RBMS3: variants seen among roughly 807,000 people sequenced by gnomAD.
RBMS3 encodes the protein RNA-binding motif, single-stranded-interacting protein 3.
Under a neutral mutation model 66.8 loss-of-function variants are expected in RBMS3, and 27 were observed. The observed-to-expected ratio is 0.40, with a 90% CI of 0.30 to 0.56. RBMS3 has a LOEUF of 0.56. RBMS3 is among the 20% of genes least tolerant of loss of function. RBMS3 has a pLI of 0.40. For missense variants in RBMS3, 513 were observed against 549.5 expected, an observed-to-expected ratio of 0.93 and a Z score of 0.66; for synonymous variants, 188 against 183.0, an observed-to-expected ratio of 1.03 and a Z score of -0.22.
intron 6 of RBMS3, among the ~76,000 whole-genome samples, chr3:29,819,713 C>A (rs988697243): frequency 1.3e-5 from 2 of 152,066 alleles, no homozygotes; most frequent in East Asian, 1.9e-4. Flanking sequence ...GCAAAAGATT[C>A]TCTGTGGTAC....
At chr3:29,781,836 G>A (rs1192393702) in intron 6 of RBMS3, among the ~76,000 whole-genome samples, 2 of 151,984 alleles carry the variant, frequency 1.3e-5, no homozygotes, top group African/African-American at 4.8e-5. Context: ...GGGCTGTGTG[G>A]GAGAGGGTTG....
At chr3:29,336,628 G>A (rs1016785125) in intron 1 of RBMS3, among the ~76,000 whole-genome samples, 1 of 152,014 alleles carries the variant, frequency 6.6e-6, no homozygotes, top group African/African-American at 2.4e-5. Flanking sequence ...CCATGTCTTA[G>A]GCATCATGAA....
chr3:29,968,198 C>T (rs984469672), intron 12 of RBMS3, among the ~76,000 whole-genome samples: 3 of 147,194 alleles, frequency 2.0e-5, no homozygotes, highest in African/African-American at 7.3e-5. Context: ...GCCCACCCGG[C>T]CTGCCCCCGT....
In RBMS3 at chr3:29,691,947, C is replaced by CTCTCTCTCTTTTTTTTTTTTTT. The variant is rs1218393454; in HGVS notation, c.400-47772_400-47771insCTCTCTCTTTTTTTTTTTTTTT. Among the ~76,000 whole-genome samples the CTCTCTCTCTTTTTTTTTTTTTT allele has an allele frequency of 5.3e-3, 279 of 53,102 alleles. 2 individuals are homozygous for CTCTCTCTCTTTTTTTTTTTTTT. Among genetic ancestry groups the CTCTCTCTCTTTTTTTTTTTTTT allele is most frequent in the Non-Finnish European group, 7.1e-3 (181 of 25,440 alleles). 34.8% of individuals were successfully genotyped at this position (53,102 alleles called of 152,430 possible). On this transcript the variant is annotated intron_variant, in intron 4 of 14. Transcript: ENST00000383767. ...GTGTGACCCTTCTCTCTCTCTCTCTCTATTTTTTTTTTTTTTTTTTGAGAT... is the reference window on the plus strand; with the variant it reads ...GTGTGACCCTTCTCTCTCTCTCTCTCTCTCTCTCTTTTTTTTTTTTTTTATTTTTTTTTTTTTTTTTTGAGAT...
At chr3:29,399,109 C>T (rs2039689619) in intron 1 of RBMS3, among the ~76,000 whole-genome samples, 1 of 152,078 alleles carries the variant, frequency 6.6e-6, no homozygotes, top group African/African-American at 2.4e-5. Flanking sequence ...CCTCATTTCC[C>T]TTTCTTGCCT....
intron 2 of RBMS3, among the ~76,000 whole-genome samples, chr3:29,472,194 ATTT>A (rs11326167): frequency 1.3e-3 from 180 of 139,932 alleles, no homozygotes; most frequent in African/African-American, 4.5e-3. Flanking sequence ...GCCTCTTCTA[ATTT>A]TTTTTTTTTT....
chr3:29,330,187 A>G (rs2035571038), intron 1 of RBMS3, among the ~76,000 whole-genome samples: 1 of 152,016 alleles, frequency 6.6e-6, no homozygotes, highest in African/African-American at 2.4e-5. Flanking sequence ...ACCCCTAAAT[A>G]CCTAAGTTTG....
intron 1 of RBMS3, among the ~76,000 whole-genome samples, chr3:29,389,339 T>TG (rs2125640135): frequency 1.3e-5 from 2 of 152,086 alleles, no homozygotes; most frequent in South Asian, 4.1e-4. Flanking sequence ...GAGGAAAAAA[T>TG]GGGGAAAAAG....
chr3:29,992,860 T>TA (rs1464399871), intron 14 of RBMS3, among the ~76,000 whole-genome samples: 2 of 146,578 alleles, frequency 1.4e-5, no homozygotes, highest in Admixed American at 1.4e-4. Context: ...CTATTCTCTT[T>TA]AAACTGACTT....
At chr3:29,421,615 T>C (rs1162758028) in intron 1 of RBMS3, among the ~76,000 whole-genome samples, 1 of 152,230 alleles carries the variant, frequency 6.6e-6, no homozygotes, top group East Asian at 1.9e-4. Flanking sequence ...AGAATCTGTG[T>C]ATTCTAAGAA....
intron 1 of RBMS3, among the ~76,000 whole-genome samples, chr3:29,370,768 A>G (rs1025882260): frequency 6.0e-4 from 91 of 152,366 alleles, no homozygotes; most frequent in African/African-American, 2.0e-3. Context: ...AGAGGCATAC[A>G]AGAAACAATC....
At chr3:29,703,864 T>G (rs914490087) in intron 4 of RBMS3, among the ~76,000 whole-genome samples, 6 of 121,478 alleles carry the variant, frequency 4.9e-5, no homozygotes, top group African/African-American at 1.0e-4. Context: ...TGAATGAAGC[T>G]TTCATCTGTA....
intron 4 of RBMS3, among the ~76,000 whole-genome samples, chr3:29,739,458 G>GA (rs56861996): frequency 0.46 from 59,558 of 129,302 alleles, 13,585 homozygotes; most frequent in East Asian, 0.55. Context: ...TCCGTCTCAA[G>GA]AAAAAAAAAA....
intron 1 of RBMS3, among the ~76,000 whole-genome samples, chr3:29,317,160 T>C (rs936685191): frequency 6.6e-6 from 1 of 151,802 alleles, no homozygotes; most frequent in Non-Finnish European, 1.5e-5. Context: ...CCTATTCATA[T>C]TGCGTACTGT....
intron 4 of RBMS3, among the ~76,000 whole-genome samples, chr3:29,704,448 T>A (rs1026438716): frequency 6.6e-6 from 1 of 152,240 alleles, no homozygotes; most frequent in East Asian, 1.9e-4. Flanking sequence ...TGTCTAGTTA[T>A]TTTTTAAAGA....
intron 1 of RBMS3, among the ~76,000 whole-genome samples, chr3:29,387,280 G>C (rs926661384): frequency 6.7e-6 from 1 of 150,278 alleles, no homozygotes; most frequent in Non-Finnish European, 1.5e-5. Context: ...GAATTCCAAA[G>C]TTAACATGTT....
At chr3:29,321,925 T>C (rs543938856) in intron 1 of RBMS3, among the ~76,000 whole-genome samples, 1 of 152,110 alleles carries the variant, frequency 6.6e-6, no homozygotes, top group South Asian at 2.1e-4. Flanking sequence ...AAAAGCATGT[T>C]TAGTGTGTTA....
intron 1 of RBMS3, among the ~76,000 whole-genome samples, chr3:29,283,389 A>G (rs2031988703): frequency 6.6e-6 from 1 of 152,144 alleles, no homozygotes. Context: ...ACCTATTACT[A>G]ACAGGAAATA....
intron 6 of RBMS3, among the ~76,000 whole-genome samples, chr3:29,829,066 A>G (rs1286457002): frequency 7.2e-6 from 1 of 139,712 alleles, no homozygotes; most frequent in Non-Finnish European, 1.5e-5. Context: ...GTTTTTTGAG[A>G]CAGAGTCTCA....
Sources: allele counts gnomAD v4.1 joint callset (sites outside exome capture counted in the v4.1 genomes callset), GRCh38; gene constraint gnomAD v4.1.1; transcripts MANE v1.5; gene names NCBI Gene and HGNC (gene_info 2026-07-23, HGNC 2026-07-21).